RAB27B: variants seen among roughly 807,000 people sequenced by gnomAD.
RAB27B encodes the protein RAB27B, member RAS oncogene family.
RAB27B carries 15 observed loss-of-function variants against 24.6 expected under a neutral mutation model. The ratio of observed to expected loss-of-function variants is 0.61; its 90% confidence interval spans 0.41 to 0.94. RAB27B has a LOEUF of 0.94. RAB27B is among the 40% of genes least tolerant of loss of function. The pLI is 0.00. For missense variants in RAB27B, 261 were observed against 266.8 expected, an observed-to-expected ratio of 0.98 and a Z score of 0.15; for synonymous variants, 105 against 92.5, an observed-to-expected ratio of 1.14 and a Z score of -0.78.
At chr18:54,853,454 T>A (rs1192443511) in intron 1 of RAB27B, among the ~76,000 whole-genome samples, 2 of 152,142 alleles carry the variant, frequency 1.3e-5, no homozygotes, top group African/African-American at 4.8e-5. Flanking sequence ...TATATATCCA[T>A]GAAACCACAA....
At chr18:54,821,963 G>A (rs1910324497) in intron 2 of RAB27B, among the ~76,000 whole-genome samples, 1 of 152,110 alleles carries the variant, frequency 6.6e-6, no homozygotes, top group Non-Finnish European at 1.5e-5. Flanking sequence ...ATGTCGGCCA[G>A]GCTGGTCTGA....
chr18:54,774,491 A>G (rs1313352299), intron 2 of RAB27B, among the ~76,000 whole-genome samples: 1 of 152,242 alleles, frequency 6.6e-6, no homozygotes, highest in African/African-American at 2.4e-5. Context: ...AGAGCATTTG[A>G]CAGGCTTTGA....
At chr18:54,871,849 C>CAAAA (rs11388519) in intron 1 of RAB27B, among the ~76,000 whole-genome samples, 3 of 85,946 alleles carry the variant, frequency 3.5e-5, no homozygotes, top group Non-Finnish European at 6.9e-5. Flanking sequence ...GACTCCATCT[C>CAAAA]AAAAAAAAAA....
Position 54,889,602 on chromosome 18 carries a change from C to A in RAB27B, c.*189C>A. ...AAGAATTGACTAGTTATCCCTGAGGCCCTTTCAAACATGATCAAAGATTTC... is the reference window on the plus strand; with the variant it reads ...AAGAATTGACTAGTTATCCCTGAGGACCTTTCAAACATGATCAAAGATTTC... On this transcript the variant is annotated 3_prime_UTR_variant, in exon 6 of 6. Transcript: ENST00000262094. 2 of 508,032 alleles carry A rather than the reference C, an allele frequency of 3.9e-6. No homozygotes were observed. Among genetic ancestry groups the A allele is most frequent in the Non-Finnish European group, 6.7e-6 (2 of 296,854 alleles). 31.5% of individuals were successfully genotyped at this position (508,032 alleles called of 1,614,324 possible).
At chr18:54,724,850 C>T (rs1333644810) in intron 2 of RAB27B, among the ~76,000 whole-genome samples, 2 of 151,518 alleles carry the variant, frequency 1.3e-5, no homozygotes, top group Admixed American at 1.3e-4. Context: ...CAAACTTTTT[C>T]AAAGGATGAA....
At chr18:54,886,567 A>G (rs1913146374) in intron 4 of RAB27B, among the ~76,000 whole-genome samples, 1 of 152,146 alleles carries the variant, frequency 6.6e-6, no homozygotes, top group Non-Finnish European at 1.5e-5. Flanking sequence ...ATGAACGTTT[A>G]TCTTAGGATC....
chr18:54,791,703 A>C (rs937532051), intron 2 of RAB27B, among the ~76,000 whole-genome samples: 5 of 152,202 alleles, frequency 3.3e-5, no homozygotes, highest in African/African-American at 4.8e-5. Flanking sequence ...CTGGGCCTAT[A>C]AAAACCGGAG....
chr18:54,887,044 T>TCCC, intron 4 of RAB27B, among the ~76,000 whole-genome samples: 1 of 39,994 alleles, frequency 2.5e-5, no homozygotes, highest in East Asian at 1.0e-3. Context: ...CCTCCCTCCC[T>TCCC]TCCTTACTTC....
intron 2 of RAB27B, among the ~76,000 whole-genome samples, chr18:54,732,127 G>A (rs1568045384): frequency 1.3e-5 from 2 of 152,136 alleles, no homozygotes; most frequent in Non-Finnish European, 2.9e-5. Flanking sequence ...TATAAATCTT[G>A]TCTCATTCTA....
intron 2 of RAB27B, among the ~76,000 whole-genome samples, chr18:54,814,911 A>G (rs966470415): frequency 6.6e-6 from 1 of 152,186 alleles, no homozygotes; most frequent in Non-Finnish European, 1.5e-5. Flanking sequence ...GCTGAAAGGA[A>G]TGTGCTGTTA....
intron 2 of RAB27B, among the ~76,000 whole-genome samples, chr18:54,746,130 T>G (rs368167453): frequency 2.6e-5 from 4 of 152,246 alleles, no homozygotes; most frequent in African/African-American, 9.6e-5. Flanking sequence ...CTGACAAGTT[T>G]TAGTCTTTGT....
At chr18:54,884,203 C>A in intron 3 of RAB27B, 130 bp from the exon 4 acceptor site, 1 of 568,168 alleles carries the variant, frequency 1.8e-6, no homozygotes, top group South Asian at 2.3e-5. Flanking sequence ...GCCCACATTC[C>A]CATTTCCCTA....
intron 2 of RAB27B, among the ~76,000 whole-genome samples, chr18:54,806,630 A>G (rs1909799384): frequency 6.6e-6 from 1 of 150,636 alleles, no homozygotes; most frequent in East Asian, 1.9e-4. Flanking sequence ...ATTGTATCAT[A>G]ACATCTTTCA....
At position 54,725,535 on chromosome 18, in the gene RAB27B, G is replaced by A. The variant is rs1045443083; in HGVS notation, c.-20+7394G>A. Among the ~76,000 whole-genome samples the A allele has an allele frequency of 1.5e-4, 23 of 151,500 alleles. 1 individual carries two copies. The highest frequency in any genetic ancestry group is 8.6e-4 in the Admixed American group (13 of 15,164). ...CATTCTCATTATGCTATAAAGAACC[G>A]CCCAAGACTGGGTAATTTATAAAGG... On this transcript the variant is annotated intron_variant, in intron 2 of 4. Coordinates refer to the RAB27B transcript ENST00000586570.
At chr18:54,882,616 A>G (rs1333070275) in intron 3 of RAB27B, among the ~76,000 whole-genome samples, 4 of 152,212 alleles carry the variant, frequency 2.6e-5, no homozygotes, top group Admixed American at 6.5e-5. Flanking sequence ...TCCAGGCTCA[A>G]CGAAGGGGTA....
chr18:54,840,318 T>C (rs973272377), intron 1 of RAB27B, among the ~76,000 whole-genome samples: 2 of 152,186 alleles, frequency 1.3e-5, no homozygotes, highest in African/African-American at 2.4e-5. Flanking sequence ...AATCAATGAT[T>C]TGTTGGCCAG....
At chr18:54,833,162 C>T (rs749037239) in intron 1 of RAB27B, among the ~76,000 whole-genome samples, 1 of 151,736 alleles carries the variant, frequency 6.6e-6, no homozygotes, top group African/African-American at 2.4e-5. Context: ...ATTATTTTCA[C>T]ATTGTTTGAA....
At chr18:54,771,462 C>T (rs148770161) in intron 2 of RAB27B, among the ~76,000 whole-genome samples, 39 of 152,176 alleles carry the variant, frequency 2.6e-4, no homozygotes, top group African/African-American at 8.9e-4. Flanking sequence ...AGAGCAACAA[C>T]GAGCCCAACA....
rs79294901 is a variant in RAB27B at position 54,814,486 on chromosome 18, A to C, written c.-19-63081A>C. Among the ~76,000 whole-genome samples, 447 of 152,302 alleles carry C rather than the reference A, an allele frequency of 2.9e-3. 4 individuals are homozygous for C. The highest frequency in any genetic ancestry group is 9.9e-3 in the African/African-American group (413 of 41,560). ...CCAGTTGCCATGGGAAAACATTTTA[A>C]AAAAATTAAATCCCAAATAGTGATC... On this transcript the variant is annotated intron_variant, in intron 2 of 4. Transcript: ENST00000586570.
Sources: allele counts gnomAD v4.1 joint callset (sites outside exome capture counted in the v4.1 genomes callset), GRCh38; gene constraint gnomAD v4.1.1; transcripts MANE v1.5; gene names NCBI Gene and HGNC (gene_info 2026-07-23, HGNC 2026-07-21).